Variants in SYCP2L observed in about 807,000 individuals in gnomAD.
The protein encoded by SYCP2L is synaptonemal complex protein 2-like.
Under a neutral mutation model 125.8 loss-of-function variants are expected in SYCP2L, and 98 were observed. That is an observed-to-expected ratio of 0.78 (90% CI 0.66 to 0.92). The LOEUF (loss-of-function observed/expected upper bound fraction) is 0.92, where lower values mean the gene tolerates loss of function less well. SYCP2L is among the 40% of genes least tolerant of loss of function. SYCP2L has a pLI of 0.00. For missense variants in SYCP2L, 842 were observed against 936.4 expected, an observed-to-expected ratio of 0.90 and a Z score of 1.32; for synonymous variants, 317 against 325.4, an observed-to-expected ratio of 0.97 and a Z score of 0.28.
At chr6:10,960,825 C>T (rs1296591070) in intron 26 of SYCP2L, among the ~76,000 whole-genome samples, 1 of 152,112 alleles carries the variant, frequency 6.6e-6, no homozygotes, top group African/African-American at 2.4e-5. Flanking sequence ...CCTGTAATCC[C>T]AGCATTTTGG....
intron 29 of SYCP2L, among the ~76,000 whole-genome samples, chr6:10,970,703 C>T (rs2113435933): frequency 6.6e-6 from 1 of 152,226 alleles, no homozygotes; most frequent in African/African-American, 2.4e-5. Context: ...AGGTGAGATT[C>T]AGGACATGCA....
Position 10,887,093 on chromosome 6 carries a change from C to G in SYCP2L, c.-34C>G. On this transcript the variant is annotated 5_prime_UTR_variant, in exon 1 of 30. Coordinates refer to ENST00000283141, the MANE Select transcript of SYCP2L (RefSeq NM_001040274.3). The stretch of plus-strand genomic sequence containing the variant: ...GCCGACCGAGCGCAACAAAGCTGAG[C>G]GGCGCGTCGCTTCAGGAACGAAGAA... 6.2e-7 allele frequency: 1 copy of G among 1,613,934 alleles called. No homozygotes were observed. The highest frequency in any genetic ancestry group is 1.1e-5 in the South Asian group (1 of 91,050).
intron 1 of SYCP2L, among the ~76,000 whole-genome samples, chr6:10,889,146 C>T (rs1412021050): frequency 9.2e-5 from 14 of 152,346 alleles, no homozygotes; most frequent in Non-Finnish European, 2.9e-5. Context: ...AGGCGTGAGC[C>T]ACTGCGCCTG....
chr6:10,929,053 A>G (rs6923688), intron 18 of SYCP2L, among the ~76,000 whole-genome samples: 45,233 of 151,558 alleles, frequency 0.3, 7,741 homozygotes, highest in African/African-American at 0.48. Flanking sequence ...CACCATGCCT[A>G]CCTAATTTTT....
chr6:10,958,754 GATC>G, intron 25 of SYCP2L, 27 bp from the exon 26 acceptor site: 1 of 1,573,632 alleles, frequency 6.4e-7, no homozygotes, highest in Non-Finnish European at 8.7e-7. Context: ...TATTAAATGT[GATC>G]ATCTTGTTAT....
intron 18 of SYCP2L, among the ~76,000 whole-genome samples, chr6:10,928,868 C>G (rs1244648384): frequency 1.3e-5 from 2 of 151,736 alleles, no homozygotes; most frequent in African/African-American, 4.8e-5. Flanking sequence ...ACCATCCCCT[C>G]CTTGAGATTG....
chr6:10,931,536 G>C, intron 20 of SYCP2L, 47 bp downstream of exon 20: 1 of 1,549,102 alleles, frequency 6.5e-7, no homozygotes, highest in Non-Finnish European at 8.9e-7. Flanking sequence ...GAGTTAAACT[G>C]CATTTATTTC....
In SYCP2L at chr6:10,961,526, T is replaced by C. The variant is rs1234787957; in HGVS notation, c.2382T>C (p.Asp794=). The C allele has an allele frequency of 5.6e-6, 9 of 1,614,102 alleles. No homozygotes were observed. The highest frequency in any genetic ancestry group is 1.3e-5 in the African/African-American group (1 of 74,952). Residue 794 remains aspartate, a synonymous_variant, in exon 28 of 30, where the codon GAT becomes GAC. Coordinates refer to ENST00000283141, the MANE Select transcript of SYCP2L (RefSeq NM_001040274.3). ...VLEFWGKQSA[D]LQSFCDLQVL... ...AATTCTGGGGGAAACAGTCTGCTGA[T>C]CTGCAATCTTTCTGTGATCTGCAAG... is the stretch of plus-strand genomic sequence containing the variant.
chr6:10,929,776 A>T (rs578060264), intron 18 of SYCP2L, among the ~76,000 whole-genome samples: 1 of 151,454 alleles, frequency 6.6e-6, no homozygotes, highest in Non-Finnish European at 1.5e-5. Flanking sequence ...CTCTAGTAAA[A>T]GTACAAAAAA....
At chr6:10,919,929 C>T (rs547094546) in intron 14 of SYCP2L, among the ~76,000 whole-genome samples, 75 of 152,252 alleles carry the variant, frequency 4.9e-4, no homozygotes, top group African/African-American at 1.7e-3. Context: ...ACGGTACCCC[C>T]CACCCTCAAA....
chr6:10,933,481 T>C (rs1215646877), intron 20 of SYCP2L, among the ~76,000 whole-genome samples: 1 of 152,184 alleles, frequency 6.6e-6, no homozygotes, highest in East Asian at 1.9e-4. Flanking sequence ...CTGGGTCCTG[T>C]CCCTAGAGTT....
At chr6:10,907,892 G>GTTTTTTTTTTGTTTTT (rs1780526954) in intron 10 of SYCP2L, among the ~76,000 whole-genome samples, 1 of 91,922 alleles carries the variant, frequency 1.1e-5, no homozygotes, top group Admixed American at 1.5e-4. Context: ...ATACAGATAG[G>GTTTTTTTTTTGTTTTT]TTTTTTTTTT....
At chr6:10,947,845 G>A (rs1781342977) in intron 23 of SYCP2L, among the ~76,000 whole-genome samples, 2 of 152,060 alleles carry the variant, frequency 1.3e-5, no homozygotes, top group African/African-American at 4.8e-5. Flanking sequence ...TGCATCTAAA[G>A]TTTCTCTGTT....
rs188687850 is a variant in SYCP2L, at chr6:10,903,507, C to G, written c.641+544C>G. 2.1e-3 allele frequency among the ~76,000 whole-genome samples: 317 copies of G among 152,258 alleles called. 1 individual carries two copies. Among genetic ancestry groups the G allele is most frequent in the African/African-American group, 7.4e-3 (307 of 41,542 alleles). On this transcript the variant is annotated intron_variant, in intron 8 of 29. Transcript: ENST00000283141. Reference sequence around the variant, plus strand: ...AGCTTGCAGTGAGCCGAGATCGCGCCACTGTGCTCCAGCCTGAGGGTGACA... The same window carrying G: ...AGCTTGCAGTGAGCCGAGATCGCGCGACTGTGCTCCAGCCTGAGGGTGACA...
At chr6:10,953,575 A>G (rs1212784171) in intron 23 of SYCP2L, among the ~76,000 whole-genome samples, 1 of 152,208 alleles carries the variant, frequency 6.6e-6, no homozygotes, top group Non-Finnish European at 1.5e-5. Context: ...TGAGATCTCC[A>G]TTGGGCATAT....
At chr6:10,952,129 T>G (rs1459248747) in intron 23 of SYCP2L, among the ~76,000 whole-genome samples, 1 of 152,198 alleles carries the variant, frequency 6.6e-6, no homozygotes, top group Non-Finnish European at 1.5e-5. Context: ...GTTTTAACTC[T>G]GTTATGAAAA....
intron 6 of SYCP2L, among the ~76,000 whole-genome samples, chr6:10,900,054 T>G (rs1386629993): frequency 6.6e-6 from 1 of 152,238 alleles, no homozygotes; most frequent in East Asian, 1.9e-4. Flanking sequence ...CATTTATGGA[T>G]TCACATAATG....
At chr6:10,941,988 T>G (rs2209177) in intron 21 of SYCP2L, among the ~76,000 whole-genome samples, 27,588 of 151,776 alleles carry the variant, frequency 0.18, 2,660 homozygotes, top group Middle Eastern at 0.31. Flanking sequence ...AAAATGATGA[T>G]TTCATGTCCT....
At chr6:10,913,209 C>A (rs1214322423) in intron 14 of SYCP2L, among the ~76,000 whole-genome samples, 1 of 152,182 alleles carries the variant, frequency 6.6e-6, no homozygotes, top group Non-Finnish European at 1.5e-5. Flanking sequence ...ATTAACAATG[C>A]TTTTCCCCAA....
Sources: gnomAD v4.1 joint callset for allele counts (sites outside exome capture counted in the v4.1 genomes callset) on GRCh38, gnomAD v4.1.1 for gene constraint, MANE v1.5 for transcripts, NCBI Gene and HGNC (gene_info 2026-07-23, HGNC 2026-07-21) for gene names.